Variants in LAMA2 observed in about 807,000 individuals in gnomAD.
LAMA2 encodes laminin subunit alpha 2, also known as laminin subunit alpha-2.
LAMA2 carries 269 observed loss-of-function variants against 364.8 expected under a neutral mutation model. That is an observed-to-expected ratio of 0.74 (90% CI 0.67 to 0.82). The LOEUF (loss-of-function observed/expected upper bound fraction) is 0.82, where lower values mean the gene tolerates loss of function less well. Among genes scored for constraint, LAMA2 ranks in the 40% least tolerant of loss-of-function variants. LAMA2 has a pLI of 0.00. For missense variants in LAMA2, 3,807 were observed against 3,873.2 expected, an observed-to-expected ratio of 0.98 and a Z score of 0.45; for synonymous variants, 1,379 against 1,370.6, an observed-to-expected ratio of 1.01 and a Z score of -0.14.
intron 1 of LAMA2, among the ~76,000 whole-genome samples, chr6:128,990,273 C>T (rs1783528516): frequency 6.6e-6 from 1 of 151,962 alleles, no homozygotes; most frequent in Non-Finnish European, 1.5e-5. Context: ...TATTGGTTTC[C>T]TGAGGGAAGC....
chr6:129,294,596 C>T (rs1160700563), intron 20 of LAMA2, among the ~76,000 whole-genome samples: 3 of 152,142 alleles, frequency 2.0e-5, no homozygotes, highest in Non-Finnish European at 2.9e-5. Context: ...TATACCACCA[C>T]CTTGAGGGTT....
intron 5 of LAMA2, among the ~76,000 whole-genome samples, chr6:129,145,906 T>C (rs957875044): frequency 6.6e-6 from 1 of 151,990 alleles, no homozygotes; most frequent in Non-Finnish European, 1.5e-5. Context: ...TCTCTATTTG[T>C]GTCTATATTA....
chr6:129,160,316 T>C (rs2114985887), intron 8 of LAMA2, among the ~76,000 whole-genome samples: 1 of 152,212 alleles, frequency 6.6e-6, no homozygotes, highest in South Asian at 2.1e-4. Flanking sequence ...GGTCAATTTT[T>C]GATATATTGT....
intron 1 of LAMA2, among the ~76,000 whole-genome samples, chr6:128,888,671 C>T (rs6919352): frequency 0.066 from 10,099 of 152,130 alleles, 1,002 homozygotes; most frequent in African/African-American, 0.21. Flanking sequence ...GGGAGCAGGC[C>T]TATGAGGATC....
intron 9 of LAMA2, among the ~76,000 whole-genome samples, chr6:129,176,837 G>C (rs776331307): frequency 4.0e-5 from 6 of 151,644 alleles, no homozygotes; most frequent in Non-Finnish European, 8.8e-5. Context: ...CACATTACAT[G>C]TTTATGTTTT....
intron 1 of LAMA2, among the ~76,000 whole-genome samples, chr6:129,005,690 C>T (rs530085706): frequency 6.7e-5 from 10 of 150,208 alleles, no homozygotes; most frequent in Admixed American, 5.3e-4. Flanking sequence ...AATCCAAAGC[C>T]GTCTCTACTT....
intron 1 of LAMA2, among the ~76,000 whole-genome samples, chr6:128,939,671 G>T (rs1396229520): frequency 6.6e-6 from 1 of 152,156 alleles, no homozygotes; most frequent in Admixed American, 6.5e-5. Context: ...ATTTTCAATG[G>T]CAGAGAGGAA....
At chr6:129,138,830 T>A (rs1425312978) in intron 4 of LAMA2, among the ~76,000 whole-genome samples, 5 of 152,102 alleles carry the variant, frequency 3.3e-5, no homozygotes, top group Admixed American at 6.6e-5. Context: ...TAAATGAGTA[T>A]GTGAGGACAG....
intron 43 of LAMA2, chr6:129,442,319 AGCCAGGGTG>A: frequency 4.9e-6 from 4 of 817,436 alleles, no homozygotes; most frequent in Admixed American, 8.9e-5. Context: ...TAAACTTCAG[AGCCAGGGTG>A]AAAAAGGGGA....
Position 129,037,035 on chromosome 6 carries a change from C to T in LAMA2, c.113-12883C>T, listed in dbSNP as rs1786687400. Reference sequence around the variant, plus strand: ...AATATGCTCTGACACACCCACATAGCTCAGGATTTCAGCAGTCAATTATCT... The same window carrying T: ...AATATGCTCTGACACACCCACATAGTTCAGGATTTCAGCAGTCAATTATCT... On this transcript the variant is annotated intron_variant, in intron 1 of 64. Transcript: ENST00000421865. 2.0e-5 allele frequency among the ~76,000 whole-genome samples: 3 copies of T among 152,214 alleles called. 1 individual carries two copies. In the South Asian group the frequency reaches 6.2e-4, roughly 31 times the overall value.
At chr6:129,325,367 T>A (rs866573452) in intron 28 of LAMA2, among the ~76,000 whole-genome samples, 1 of 152,138 alleles carries the variant, frequency 6.6e-6, no homozygotes, top group East Asian at 1.9e-4. Flanking sequence ...GGATTTTAGA[T>A]GGGACTCAAA....
intron 56 of LAMA2, among the ~76,000 whole-genome samples, chr6:129,487,046 G>A (rs1784623991): frequency 6.6e-6 from 1 of 152,168 alleles, no homozygotes; most frequent in Admixed American, 6.5e-5. Flanking sequence ...CTGCTTAGCT[G>A]TCACAGATAC....
chr6:129,204,895 GA>G (rs1782522226), intron 12 of LAMA2, among the ~76,000 whole-genome samples: 1 of 152,112 alleles, frequency 6.6e-6, no homozygotes, highest in South Asian at 2.1e-4. Context: ...TATAGAGAAG[GA>G]AATTTAAATG....
chr6:129,424,661 AATG>A (rs1038032850), intron 40 of LAMA2, among the ~76,000 whole-genome samples: 2 of 152,138 alleles, frequency 1.3e-5, no homozygotes, highest in Non-Finnish European at 2.9e-5. Context: ...GCAAAACCAA[AATG>A]ATGACCAGTT....
chr6:129,495,036 A>C lies in LAMA2; in HGVS notation c.8244+2553A>C, dbSNP rs112858053. Among the ~76,000 whole-genome samples, 159 of 152,332 alleles carry C rather than the reference A, an allele frequency of 1.0e-3. 3 individuals are homozygous for C. The highest frequency in any genetic ancestry group is 3.7e-3 in the African/African-American group (153 of 41,560). ...AAAATTGGCAAGAGCCCTAAAGATC[A>C]TCTGGTCCAATCACCATCTTAATGC... is the stretch of plus-strand genomic sequence containing the variant. On this transcript the variant is annotated intron_variant, in intron 58 of 64. Transcript: ENST00000421865.
intron 1 of LAMA2, among the ~76,000 whole-genome samples, chr6:128,890,918 G>A (rs2114383488): frequency 6.6e-6 from 1 of 152,130 alleles, no homozygotes; most frequent in Middle Eastern, 3.4e-3. Flanking sequence ...GAAAAACCTT[G>A]ACATCTTCAT....
chr6:129,464,943 T>C (rs1157577142), intron 50 of LAMA2, among the ~76,000 whole-genome samples: 1 of 152,016 alleles, frequency 6.6e-6, no homozygotes, highest in African/African-American at 2.4e-5. Flanking sequence ...AATTTTGTTG[T>C]GACCATGTGC....
In LAMA2 at chr6:129,167,318, C is replaced by G. The variant is rs867951502; in HGVS notation, c.1306+1643C>G. Reference sequence around the variant, plus strand: ...CAATGCTATCCCTCCCCCCTCCCCCCACCCCACAACAGTCCCCAGAGTGTG... The same window carrying G: ...CAATGCTATCCCTCCCCCCTCCCCCGACCCCACAACAGTCCCCAGAGTGTG... On this transcript the variant is annotated intron_variant, in intron 9 of 64. Transcript: ENST00000421865. 1.8e-4 allele frequency among the ~76,000 whole-genome samples: 24 copies of G among 130,452 alleles called. 1 individual carries two copies. The highest frequency in any genetic ancestry group is 4.8e-5 in the Non-Finnish European group (3 of 62,078). 85.6% of individuals were successfully genotyped at this position (130,452 alleles called of 152,430 possible). A position where few individuals can be genotyped will look rare whatever the true frequency, so the allele number is the denominator to read the frequency against.
chr6:129,083,208 C>A (rs1359579582), intron 3 of LAMA2, among the ~76,000 whole-genome samples: 2 of 151,992 alleles, frequency 1.3e-5, no homozygotes, highest in Non-Finnish European at 2.9e-5. Flanking sequence ...TTGTGAACAT[C>A]CCCATGTAAC....
Sources: allele counts gnomAD v4.1 joint callset (sites outside exome capture counted in the v4.1 genomes callset), GRCh38; gene constraint gnomAD v4.1.1; transcripts MANE v1.5; gene names NCBI Gene and HGNC (gene_info 2026-07-23, HGNC 2026-07-21).